Variants in MOB1B observed in about 807,000 individuals in gnomAD.
MOB1B encodes MOB kinase activator 1B.
Under a neutral mutation model 24.4 loss-of-function variants are expected in MOB1B, and 19 were observed. The ratio of observed to expected loss-of-function variants is 0.78; its 90% CI spans 0.54 to 1.14. The LOEUF is 1.14. MOB1B is among the 50% of genes most tolerant of loss of function. The pLI, the probability that MOB1B is intolerant of heterozygous loss-of-function variation, is 0.00. For missense variants in MOB1B, 243 were observed against 259.6 expected (o/e 0.94, Z 0.44); for synonymous variants, 76 against 82.1 (o/e 0.93, Z 0.40).
Position 70,982,284 on chromosome 4 carries a change from G to A in MOB1B, c.*227G>A. ...TTGATAAGGGTAAATTTATCTTAGT[G>A]TTTTTAAACTTGGTTTTGGTTACTT... is the stretch of plus-strand genomic sequence containing the variant. On this transcript the variant is annotated 3_prime_UTR_variant, in exon 6 of 6. Transcript: ENST00000309395. 5.8e-6 allele frequency: 2 copies of A among 343,516 alleles called. No homozygotes were observed. The highest frequency in any genetic ancestry group is 1.1e-5 in the Non-Finnish European group (2 of 189,962). 21.3% of individuals were successfully genotyped at this position (343,516 alleles called of 1,614,324 possible). A position where few individuals can be genotyped will look rare whatever the true frequency, so the allele number is the denominator to read the frequency against.
Position 70,943,551 on chromosome 4 carries a change from A to T in MOB1B, c.15-15323A>T, listed in dbSNP as rs143916423. 4.9e-3 allele frequency among the ~76,000 whole-genome samples: 746 copies of T among 152,132 alleles called. 3 individuals are homozygous for T. The highest frequency in any genetic ancestry group is 7.8e-3 in the Non-Finnish European group (532 of 68,006). On this transcript the variant is annotated intron_variant, in intron 1 of 5. Transcript: ENST00000309395. The stretch of plus-strand genomic sequence containing the variant: ...GTAGTTCAAGGTATAGTAACTTTTT[A>T]AAAAAAATCAACAATCATTGATCAT...
At chr4:70,907,096 TG>T (rs1326882516) in intron 1 of MOB1B, among the ~76,000 whole-genome samples, 1 of 152,230 alleles carries the variant, frequency 6.6e-6, no homozygotes, top group Non-Finnish European at 1.5e-5. Context: ...AGAAATTGCC[TG>T]TGAATTGTTC....
intron 2 of MOB1B, among the ~76,000 whole-genome samples, chr4:70,963,051 A>T (rs914238781): frequency 6.6e-6 from 1 of 152,150 alleles, no homozygotes; most frequent in Non-Finnish European, 1.5e-5. Context: ...TGTGAAAGAC[A>T]TTGTAAAGAA....
rs35266954 is a variant in MOB1B at position 70,915,964 on chromosome 4, G to A, written c.14+13414G>A. 7.1e-3 allele frequency among the ~76,000 whole-genome samples: 1,079 copies of A among 152,234 alleles called. 7 individuals carry two copies. Among genetic ancestry groups the A allele is most frequent in the Non-Finnish European group, 0.011 (769 of 68,016 alleles). On this transcript the variant is annotated intron_variant, in intron 1 of 5. Coordinates refer to ENST00000309395, the MANE Select transcript of MOB1B (RefSeq NM_173468.4). ...AATTGGATTAAAATATTTAATGGGG[G>A]CTTCAGAGGGTGGGTACCTATGCTG...
chr4:70,935,944 C>G (rs1014907567), intron 1 of MOB1B, among the ~76,000 whole-genome samples: 1 of 151,034 alleles, frequency 6.6e-6, no homozygotes, highest in East Asian at 2.0e-4. Context: ...CTCCGCCTCC[C>G]GGGTTCACGC....
At chr4:70,952,526 C>T (rs1392076974) in intron 1 of MOB1B, among the ~76,000 whole-genome samples, 1 of 151,084 alleles carries the variant, frequency 6.6e-6, no homozygotes, top group Non-Finnish European at 1.5e-5. Context: ...GCCTGTAGAC[C>T]CAGCTACTTG....
rs34950388 is a variant in MOB1B, at chr4:70,933,542, CTTTTTT to C, written c.15-25310_15-25305del. Among the ~76,000 whole-genome samples, 15 of 91,610 alleles carry C rather than the reference CTTTTTT, an allele frequency of 1.6e-4. 1 individual carries two copies. The highest frequency in any genetic ancestry group is 5.9e-4 in the African/African-American group (14 of 23,678). 60.1% of individuals were successfully genotyped at this position (91,610 alleles called of 152,430 possible). A position where few individuals can be genotyped will look rare whatever the true frequency, so the allele number is the denominator to read the frequency against. ...TATAGGGCTTGTAATAAAAATAACT[CTTTTTT>C]TTTTTTTTTTTTTTTTTTTTTGAGA... On this transcript the variant is annotated intron_variant, in intron 1 of 5. Transcript: ENST00000309395.
chr4:70,914,446 T>C (rs1736119034), intron 1 of MOB1B, among the ~76,000 whole-genome samples: 1 of 152,168 alleles, frequency 6.6e-6, no homozygotes, highest in African/African-American at 2.4e-5. Context: ...GTCCAGGAGA[T>C]AGACATTTAT....
chr4:70,976,283 G>C, intron 4 of MOB1B: 1 of 984,466 alleles, frequency 1.0e-6, no homozygotes, highest in Non-Finnish European at 1.2e-6. Flanking sequence ...ATCTGCCACA[G>C]TTGTATCTAC....
At chr4:70,931,173 G>C (rs1680119585) in intron 1 of MOB1B, among the ~76,000 whole-genome samples, 1 of 152,112 alleles carries the variant, frequency 6.6e-6, no homozygotes, top group South Asian at 2.1e-4. Context: ...TGATCTGAAA[G>C]ATCTGTTAGC....
rs113556137 is a variant in MOB1B at position 70,971,366 on chromosome 4, G to A, written c.275+1342G>A. Among the ~76,000 whole-genome samples the A allele has an allele frequency of 6.9e-3, 1,055 of 151,978 alleles. 15 individuals carry two copies. Among genetic ancestry groups the A allele is most frequent in the African/African-American group, 0.022 (909 of 41,460 alleles). On this transcript the variant is annotated intron_variant, in intron 3 of 5. Transcript: ENST00000309395. ...TTAATAATAGAAAAATTAGCTGGGCGTGGTGGTGTGCATCTGTAATCCCAG... is the reference window on the plus strand; with the variant it reads ...TTAATAATAGAAAAATTAGCTGGGCATGGTGGTGTGCATCTGTAATCCCAG...
intron 1 of MOB1B, among the ~76,000 whole-genome samples, chr4:70,911,283 A>G (rs1391998164): frequency 1.3e-5 from 2 of 152,050 alleles, no homozygotes; most frequent in African/African-American, 4.8e-5. Context: ...AAAAAAGGAT[A>G]TCAGATATTA....
At chr4:70,934,766 T>G (rs1192615080) in intron 1 of MOB1B, among the ~76,000 whole-genome samples, 2 of 152,068 alleles carry the variant, frequency 1.3e-5, no homozygotes, top group East Asian at 3.8e-4. Flanking sequence ...TGGAATATAA[T>G]TTTATTTTTC....
At chr4:70,965,316 A>AG (rs1380802098) in intron 2 of MOB1B, among the ~76,000 whole-genome samples, 1 of 150,398 alleles carries the variant, frequency 6.6e-6, no homozygotes, top group East Asian at 1.9e-4. Context: ...AAAAAAAAAA[A>AG]AAAAGTGGTT....
chr4:70,939,586 G>A (rs1737244977), intron 1 of MOB1B, among the ~76,000 whole-genome samples: 1 of 152,180 alleles, frequency 6.6e-6, no homozygotes, highest in Non-Finnish European at 1.5e-5. Context: ...AGAGGCTGAG[G>A]CTGGGAGGAT....
chr4:70,918,403 C>T (rs1358250740), intron 1 of MOB1B, among the ~76,000 whole-genome samples: 2 of 151,470 alleles, frequency 1.3e-5, no homozygotes, highest in African/African-American at 2.4e-5. Context: ...GAGATGGTAT[C>T]TCATTGTGGT....
chr4:70,971,956 CTCTTT>C lies in MOB1B; in HGVS notation c.275+1937_275+1941del, dbSNP rs1390625469. 4.0e-5 allele frequency among the ~76,000 whole-genome samples: 6 copies of C among 151,572 alleles called. 1 individual carries two copies. The South Asian group carries it at 1.3e-3, about 32-fold the overall frequency. ...CTCCTTCTTTCTTCTTTCTCTACGT[CTCTTT>C]TCTTCTTCCTTCTCTTCTTGTCTTT... is the stretch of plus-strand genomic sequence containing the variant. On this transcript the variant is annotated intron_variant, in intron 3 of 5. Coordinates refer to ENST00000309395, the MANE Select transcript of MOB1B (RefSeq NM_173468.4).
In MOB1B at chr4:70,953,016, C is replaced by T. The variant is rs138464713; in HGVS notation, c.15-5858C>T. Among the ~76,000 whole-genome samples, 360 of 138,946 alleles carry T rather than the reference C, an allele frequency of 2.6e-3. 2 individuals are homozygous for T. Among genetic ancestry groups the T allele is most frequent in the African/African-American group, 9.2e-3 (348 of 37,870 alleles). The allele number at this position is 138,946 out of a possible 152,430, so 91.2% of individuals were successfully genotyped here. A position where few individuals can be genotyped will look rare whatever the true frequency, so the allele number is the denominator to read the frequency against. ...GGAGTGAAGTGGTGCAATTTTGGCT[C>T]ACTGCAACCTCCGCCTCCTGGGATC... is the stretch of plus-strand genomic sequence containing the variant. On this transcript the variant is annotated intron_variant, in intron 1 of 5. Coordinates refer to ENST00000309395, the MANE Select transcript of MOB1B (RefSeq NM_173468.4).
At chr4:70,934,719 G>A (rs1283825926) in intron 1 of MOB1B, among the ~76,000 whole-genome samples, 1 of 152,058 alleles carries the variant, frequency 6.6e-6, no homozygotes, top group African/African-American at 2.4e-5. Flanking sequence ...GCATGCCAAA[G>A]TGTTGGGATT....
Sources: allele counts gnomAD v4.1 joint callset (sites outside exome capture counted in the v4.1 genomes callset), GRCh38; gene constraint gnomAD v4.1.1; transcripts MANE v1.5; gene names NCBI Gene and HGNC (gene_info 2026-07-23, HGNC 2026-07-21).